Variants in CADM2 observed in about 807,000 individuals in gnomAD.
CADM2 encodes the protein immunoglobulin superfamily member 4D.
CADM2 carries 12 observed loss-of-function variants against 49.8 expected under a neutral mutation model. The ratio of observed to expected loss-of-function variants is 0.24; its 90% confidence interval spans 0.15 to 0.39. CADM2 has a LOEUF of 0.39. Among genes scored for constraint, CADM2 ranks in the 10% least tolerant of loss-of-function variants. The pLI is 1.00. For missense variants in CADM2, 378 were observed against 492.3 expected (o/e 0.77, Z 2.20); for synonymous variants, 214 against 175.4 (o/e 1.22, Z -1.74).
intron 3 of CADM2, among the ~76,000 whole-genome samples, chr3:85,860,868 G>C (rs1045084996): frequency 3.3e-5 from 5 of 152,082 alleles, no homozygotes; most frequent in Non-Finnish European, 7.4e-5. Flanking sequence ...GGATTATCAG[G>C]GGTGAAAGCA....
intron 1 of CADM2, among the ~76,000 whole-genome samples, chr3:85,151,332 T>C (rs916933538): frequency 6.6e-6 from 1 of 152,170 alleles, no homozygotes; most frequent in Non-Finnish European, 1.5e-5. Flanking sequence ...CTTTTTTTTT[T>C]CACTTCTGCT....
chr3:85,350,846 T>C (rs1376287509), intron 1 of CADM2, among the ~76,000 whole-genome samples: 2 of 152,162 alleles, frequency 1.3e-5, no homozygotes, highest in Non-Finnish European at 2.9e-5. Flanking sequence ...GATGAAATTA[T>C]ATTCCCCTGT....
chr3:85,368,414 A>G (rs1157412863), intron 1 of CADM2, among the ~76,000 whole-genome samples: 3 of 151,948 alleles, frequency 2.0e-5, no homozygotes, highest in Non-Finnish European at 4.4e-5. Context: ...CAGATATTTC[A>G]TTGCAGTCAA....
At chr3:85,219,527 G>C (rs1015979753) in intron 1 of CADM2, among the ~76,000 whole-genome samples, 36 of 152,022 alleles carry the variant, frequency 2.4e-4, no homozygotes, top group African/African-American at 8.5e-4. Context: ...AAAAACCCTG[G>C]TATCTTCTTT....
chr3:85,263,555 T>A (rs945834869), intron 1 of CADM2, among the ~76,000 whole-genome samples: 1 of 152,140 alleles, frequency 6.6e-6, no homozygotes, highest in Non-Finnish European at 1.5e-5. Flanking sequence ...TGAGTTCACA[T>A]AGTGCCATTG....
chr3:85,281,241 T>C (rs1258307403), intron 1 of CADM2, among the ~76,000 whole-genome samples: 1 of 151,902 alleles, frequency 6.6e-6, no homozygotes, highest in Non-Finnish European at 1.5e-5. Flanking sequence ...AGTGTTTATC[T>C]AAATCATTGT....
intron 1 of CADM2, among the ~76,000 whole-genome samples, chr3:85,360,681 T>C (rs1341092541): frequency 6.6e-6 from 1 of 152,184 alleles, no homozygotes; most frequent in Non-Finnish European, 1.5e-5. Flanking sequence ...CCTGTTGATT[T>C]TGCCTCCTAA....
intron 1 of CADM2, among the ~76,000 whole-genome samples, chr3:85,615,070 C>A (rs145166033): frequency 6.6e-6 from 1 of 151,904 alleles, no homozygotes. Flanking sequence ...ATGTGTATAT[C>A]AAACTACCTG....
chr3:85,041,468 G>A (rs1280031162), intron 1 of CADM2, among the ~76,000 whole-genome samples: 5 of 152,142 alleles, frequency 3.3e-5, no homozygotes, highest in South Asian at 4.1e-4. Flanking sequence ...GGAAACGGAA[G>A]TGAATGAGAG....
chr3:85,334,290 A>T (rs1165513219), intron 1 of CADM2, among the ~76,000 whole-genome samples: 1 of 151,566 alleles, frequency 6.6e-6, no homozygotes, highest in Non-Finnish European at 1.5e-5. Flanking sequence ...TATCAACAAA[A>T]AGCAGCCTCA....
chr3:85,000,845 A>G (rs1245638725), intron 1 of CADM2, among the ~76,000 whole-genome samples: 1 of 152,158 alleles, frequency 6.6e-6, no homozygotes, highest in East Asian at 1.9e-4. Context: ...GTATAGGTAT[A>G]TAATATAACT....
At chr3:85,543,236 TTATTTATTTATTTATTTTTTATTTTTA>T (rs1156841235) in intron 1 of CADM2, among the ~76,000 whole-genome samples, 1,242 of 45,628 alleles carry the variant, frequency 0.027, 16 homozygotes, top group African/African-American at 0.039. Context: ...CTCTTTTTAT[TTATTTATTTATTTATTTTTTATTTTTA>T]TTTTTTTTGG....
intron 1 of CADM2, among the ~76,000 whole-genome samples, chr3:85,421,369 C>T (rs915146038): frequency 6.6e-6 from 1 of 151,950 alleles, no homozygotes; most frequent in African/African-American, 2.4e-5. Flanking sequence ...AGAGTGTAGG[C>T]GATATTTAGG....
intron 1 of CADM2, among the ~76,000 whole-genome samples, chr3:85,495,537 C>T (rs556142751): frequency 1.4e-4 from 21 of 152,188 alleles, no homozygotes; most frequent in Admixed American, 8.5e-4. Flanking sequence ...CTGCTTATTT[C>T]TCTAACTAAA....
chr3:85,157,607 T>C (rs2107660088), intron 1 of CADM2, among the ~76,000 whole-genome samples: 1 of 152,252 alleles, frequency 6.6e-6, no homozygotes, highest in South Asian at 2.1e-4. Context: ...CCCTATTTAA[T>C]AAATGGTGCT....
chr3:85,358,835 G>A (rs2032090485), intron 1 of CADM2, among the ~76,000 whole-genome samples: 1 of 152,242 alleles, frequency 6.6e-6, no homozygotes, highest in South Asian at 2.1e-4. Flanking sequence ...TTAGTGGCTG[G>A]TTAACCAAAC....
intron 3 of CADM2, among the ~76,000 whole-genome samples, chr3:85,809,712 C>CTTCG (rs1453065863): frequency 4.7e-5 from 5 of 106,280 alleles, no homozygotes; most frequent in African/African-American, 1.8e-4. Context: ...TCCTTCCTTC[C>CTTCG]TTCCTTCGTT....
At chr3:85,657,022 A>G (rs775313063) in intron 1 of CADM2, among the ~76,000 whole-genome samples, 7 of 152,170 alleles carry the variant, frequency 4.6e-5, no homozygotes, top group African/African-American at 1.4e-4. Context: ...TTATCATGCA[A>G]TCCCATTTTC....
chr3:85,617,951 G>T (rs2063844015), intron 1 of CADM2, among the ~76,000 whole-genome samples: 1 of 152,088 alleles, frequency 6.6e-6, no homozygotes, highest in African/African-American at 2.4e-5. Flanking sequence ...AATAATAGAA[G>T]AAACATTTTC....
Sources: gnomAD v4.1 joint callset for allele counts (sites outside exome capture counted in the v4.1 genomes callset) on GRCh38, gnomAD v4.1.1 for gene constraint, MANE v1.5 for transcripts, NCBI Gene and HGNC (gene_info 2026-07-23, HGNC 2026-07-21) for gene names.